PDE8A: variants seen among roughly 807,000 people sequenced by gnomAD.
PDE8A encodes the protein high affinity cAMP-specific and IBMX-insensitive 3',5'-cyclic phosphodiesterase 8A.
PDE8A carries 59 observed loss-of-function variants against 105.0 expected under a neutral mutation model. The ratio of observed to expected loss-of-function variants is 0.56; its 90% CI spans 0.46 to 0.70. The LOEUF is 0.70. Among genes scored for constraint, PDE8A ranks in the 30% least tolerant of loss-of-function variants. The pLI is 0.00. For missense variants in PDE8A, 1,014 were observed against 1,045.9 expected, an observed-to-expected ratio of 0.97 and a Z score of 0.42; for synonymous variants, 355 against 371.9, an observed-to-expected ratio of 0.95 and a Z score of 0.52.
At chr15:85,007,933 G>T (rs2080175669) in intron 1 of PDE8A, among the ~76,000 whole-genome samples, 1 of 152,260 alleles carries the variant, frequency 6.6e-6, no homozygotes, top group Non-Finnish European at 1.5e-5. Flanking sequence ...TTGGACTGCA[G>T]CTCATAGTCA....
chr15:85,121,453 A>G (rs995727253), intron 18 of PDE8A, among the ~76,000 whole-genome samples: 1 of 152,058 alleles, frequency 6.6e-6, no homozygotes, highest in Non-Finnish European at 1.5e-5. Flanking sequence ...TAATTATTCA[A>G]TCCCAGATTT....
chr15:85,118,783 G>A (rs1243612317), intron 17 of PDE8A, among the ~76,000 whole-genome samples: 1 of 152,224 alleles, frequency 6.6e-6, no homozygotes, highest in African/African-American at 2.4e-5. Flanking sequence ...CAGGGCCAGG[G>A]CAAGTGGCTC....
rs926063654 is a variant in PDE8A at position 84,982,071 on chromosome 15, ACGGCGCCCG to A, written c.-86_-78del. ...CGCCGCCCGCCCAGGCGGCGATGAC[ACGGCGCCCG>A]CGGCGGCCCGGAGGCGCCGGGTGGG... On this transcript the variant is annotated 5_prime_UTR_variant, in exon 1 of 22. Transcript: ENST00000394553. 8.9e-6 allele frequency: 7 copies of A among 787,632 alleles called. No homozygotes were observed. In the African/African-American group the frequency reaches 9.2e-5, roughly 10 times the overall value. 48.8% of individuals were successfully genotyped at this position (787,632 alleles called of 1,614,324 possible).
At chr15:84,989,854 A>G (rs1231073321) in intron 1 of PDE8A, among the ~76,000 whole-genome samples, 2 of 152,212 alleles carry the variant, frequency 1.3e-5, no homozygotes, top group African/African-American at 4.8e-5. Flanking sequence ...GAAAATTTTC[A>G]TAGAGCAAAG....
intron 9 of PDE8A, among the ~76,000 whole-genome samples, chr15:85,098,354 T>C (rs546333835): frequency 1.3e-5 from 2 of 152,370 alleles, no homozygotes; most frequent in East Asian, 1.9e-4. Context: ...ACTCCCTATA[T>C]TGAAAAGATT....
At chr15:85,017,190 A>C (rs2080339240) in intron 1 of PDE8A, among the ~76,000 whole-genome samples, 1 of 151,610 alleles carries the variant, frequency 6.6e-6, no homozygotes, top group African/African-American at 2.4e-5. Context: ...GAACCCGGGA[A>C]GCAGAGCTTG....
chr15:85,101,464 A>C (rs994398808), intron 11 of PDE8A, among the ~76,000 whole-genome samples: 3 of 152,244 alleles, frequency 2.0e-5, no homozygotes, highest in African/African-American at 7.2e-5. Flanking sequence ...AGCAAGTACT[A>C]AATTTTGACT....
chr15:84,997,127 C>T (rs1416518753), intron 1 of PDE8A, among the ~76,000 whole-genome samples: 1 of 152,098 alleles, frequency 6.6e-6, no homozygotes, highest in Non-Finnish European at 1.5e-5. Flanking sequence ...AAAACGTGAA[C>T]ATATTGTATA....
intron 1 of PDE8A, among the ~76,000 whole-genome samples, chr15:84,989,352 T>G (rs1270730979): frequency 6.6e-6 from 1 of 152,238 alleles, no homozygotes; most frequent in Non-Finnish European, 1.5e-5. Context: ...CTTTGCTGTT[T>G]TGAATTCATC....
chr15:85,119,812 A>G (rs1190034124), intron 17 of PDE8A, among the ~76,000 whole-genome samples: 1 of 152,200 alleles, frequency 6.6e-6, no homozygotes, highest in East Asian at 1.9e-4. Context: ...CATTAGTTAG[A>G]AAATAACAAA....
At chr15:85,106,638 G>A (rs1287483362) in intron 11 of PDE8A, among the ~76,000 whole-genome samples, 1 of 152,186 alleles carries the variant, frequency 6.6e-6, no homozygotes, top group East Asian at 1.9e-4. Flanking sequence ...TGAACACTTG[G>A]AGAGGGTGCA....
intron 1 of PDE8A, among the ~76,000 whole-genome samples, chr15:85,018,877 A>G (rs1437455393): frequency 6.6e-6 from 1 of 152,116 alleles, no homozygotes; most frequent in African/African-American, 2.4e-5. Flanking sequence ...CTCTTGGATC[A>G]TTTTTACTTT....
At chr15:85,050,723 A>G (rs2080959709) in intron 1 of PDE8A, among the ~76,000 whole-genome samples, 1 of 152,196 alleles carries the variant, frequency 6.6e-6, no homozygotes, top group African/African-American at 2.4e-5. Flanking sequence ...GTAGCTTTGT[A>G]GTAAGTCACA....
At chr15:85,044,389 G>C (rs940397585) in intron 1 of PDE8A, among the ~76,000 whole-genome samples, 10 of 152,140 alleles carry the variant, frequency 6.6e-5, no homozygotes, top group Non-Finnish European at 7.4e-5. Flanking sequence ...GTGGGGGACA[G>C]ATAAAGAGTC....
chr15:85,038,227 G>T (rs1296340536), intron 1 of PDE8A, among the ~76,000 whole-genome samples: 1 of 49,814 alleles, frequency 2.0e-5, no homozygotes, highest in African/African-American at 4.1e-5. Context: ...GTGTGTGTGT[G>T]TGTGTGTGTG....
intron 20 of PDE8A, among the ~76,000 whole-genome samples, chr15:85,130,643 T>G (rs1310821001): frequency 6.6e-6 from 1 of 152,236 alleles, no homozygotes; most frequent in Non-Finnish European, 1.5e-5. Flanking sequence ...TATAAAAATG[T>G]AGTATTGAAG....
intron 14 of PDE8A, 74 bp from the exon 15 acceptor site, chr15:85,115,365 G>T: frequency 1.1e-6 from 1 of 933,146 alleles, no homozygotes. Context: ...TCCTGTGGGA[G>T]GACCACCTGG....
intron 1 of PDE8A, among the ~76,000 whole-genome samples, chr15:84,999,267 C>T: frequency 6.6e-6 from 1 of 151,282 alleles, no homozygotes; most frequent in East Asian, 2.0e-4. Flanking sequence ...ATTATAGGCA[C>T]CTGCCACCAT....
intron 19 of PDE8A, 28 bp from the exon 20 acceptor site, chr15:85,126,179 A>G: frequency 6.3e-7 from 1 of 1,575,088 alleles, no homozygotes; most frequent in Non-Finnish European, 8.7e-7. Flanking sequence ...ATCCATTTTG[A>G]TTGCTTTGAA....
Sources: allele counts gnomAD v4.1 joint callset (sites outside exome capture counted in the v4.1 genomes callset), GRCh38; gene constraint gnomAD v4.1.1; transcripts MANE v1.5; gene names NCBI Gene and HGNC (gene_info 2026-07-23, HGNC 2026-07-21).